Variants in MYRIP observed in about 807,000 individuals in gnomAD.
MYRIP encodes the protein rab effector MyRIP.
A neutral mutation model predicts 98.0 loss-of-function variants in MYRIP; 49 were observed. The observed-to-expected ratio is 0.50, with a 90% CI of 0.40 to 0.63. MYRIP has a LOEUF of 0.63. Among genes scored for constraint, MYRIP ranks in the 30% least tolerant of loss-of-function variants. The probability of loss-of-function intolerance (pLI) is 0.00; values close to 1 mark genes in which losing one functional copy is unlikely to be tolerated. For missense variants in MYRIP, 1,004 were observed against 1,058.2 expected (o/e 0.95, Z 0.71); for synonymous variants, 404 against 409.5 (o/e 0.99, Z 0.16).
chr3:39,817,454 T>C (rs541728501), intron 1 of MYRIP, among the ~76,000 whole-genome samples: 1 of 152,322 alleles, frequency 6.6e-6, no homozygotes, highest in East Asian at 1.9e-4. Context: ...TGATTTATTT[T>C]AAGGTAGCAT....
intron 1 of MYRIP, among the ~76,000 whole-genome samples, chr3:39,843,375 G>A (rs754166821): frequency 3.9e-5 from 6 of 151,914 alleles, no homozygotes; most frequent in Non-Finnish European, 5.9e-5. Flanking sequence ...TTCGAAAAAA[G>A]ACAAGAAAGA....
chr3:39,977,966 G>A (rs1945796571), intron 2 of MYRIP, among the ~76,000 whole-genome samples: 1 of 151,936 alleles, frequency 6.6e-6, no homozygotes, highest in Non-Finnish European at 1.5e-5. Context: ...TCCTGGTTAG[G>A]GTAAATGTCA....
chr3:39,979,901 G>C (rs750129358), intron 2 of MYRIP, among the ~76,000 whole-genome samples: 1 of 152,180 alleles, frequency 6.6e-6, no homozygotes, highest in Non-Finnish European at 1.5e-5. Flanking sequence ...GTAGGGAAAA[G>C]ACTTTTACAA....
At chr3:40,244,405 A>C in intron 12 of MYRIP, 41 bp from the exon 13 acceptor site, 1 of 1,563,270 alleles carries the variant, frequency 6.4e-7, no homozygotes, top group South Asian at 1.2e-5. Context: ...ACCAGTCCCA[A>C]GTCTGCAGAC....
intron 2 of MYRIP, among the ~76,000 whole-genome samples, chr3:39,902,960 C>T (rs1199890326): frequency 5.3e-5 from 8 of 152,160 alleles, no homozygotes. Flanking sequence ...TGGGAACCTG[C>T]TTATAATGGA....
intron 1 of MYRIP, among the ~76,000 whole-genome samples, chr3:39,826,480 TATTA>T (rs1380076192): frequency 1.3e-5 from 2 of 152,292 alleles, no homozygotes; most frequent in African/African-American, 4.8e-5. Context: ...ATATTCTTAT[TATTA>T]ATTTCCAGTT....
intron 2 of MYRIP, among the ~76,000 whole-genome samples, chr3:39,956,440 A>G (rs1334131056): frequency 1.3e-5 from 2 of 152,246 alleles, no homozygotes; most frequent in African/African-American, 4.8e-5. Flanking sequence ...TGGGTACATA[A>G]CAAAATGAAG....
intron 1 of MYRIP, among the ~76,000 whole-genome samples, chr3:39,879,520 C>A (rs1437218351): frequency 6.6e-6 from 1 of 152,098 alleles, no homozygotes; most frequent in East Asian, 1.9e-4. Flanking sequence ...GCAGTTAAAT[C>A]ATCTTCATTG....
intron 11 of MYRIP, among the ~76,000 whole-genome samples, chr3:40,218,617 TATATATATATATATATA>T (rs1559460406): frequency 0.033 from 360 of 10,946 alleles, 18 homozygotes; most frequent in East Asian, 0.31. Context: ...ATATTTTATA[TATATATATATATATATA>T]TATATATATA....
In MYRIP at chr3:40,258,675, G is replaced by A. The variant is rs899876754; in HGVS notation, c.*509G>A. The A allele has an allele frequency of 3.8e-5, 6 of 157,072 alleles. No homozygotes were observed. The highest frequency in any genetic ancestry group is 3.7e-4 in the Admixed American group (6 of 16,332). The allele number at this position is 157,072 out of a possible 1,614,324, so 9.7% of individuals were successfully genotyped here. On this transcript the variant is annotated 3_prime_UTR_variant, in exon 17 of 17. Transcript: ENST00000302541. ...TAAGGGAAAAGCAAGTCCCTGCAGT[G>A]AGCACTAGGGACAGTCTAATTTGGG...
chr3:39,818,933 A>G (rs964989218), intron 1 of MYRIP, among the ~76,000 whole-genome samples: 1 of 152,264 alleles, frequency 6.6e-6, no homozygotes, highest in South Asian at 2.1e-4. Context: ...ACATAGGTAT[A>G]TATTTTTGTG....
At chr3:39,998,840 A>G (rs1303948048) in intron 2 of MYRIP, among the ~76,000 whole-genome samples, 1 of 152,204 alleles carries the variant, frequency 6.6e-6, no homozygotes, top group Non-Finnish European at 1.5e-5. Flanking sequence ...ATATAGACCA[A>G]TGGAACACAA....
At chr3:40,255,012 C>T (rs1953528228) in intron 16 of MYRIP, among the ~76,000 whole-genome samples, 1 of 152,158 alleles carries the variant, frequency 6.6e-6, no homozygotes, top group African/African-American at 2.4e-5. Context: ...ATGGTGGATA[C>T]ATCCTTTTGA....
chr3:40,140,435 T>G (rs186700622), intron 3 of MYRIP, among the ~76,000 whole-genome samples: 1 of 152,330 alleles, frequency 6.6e-6, no homozygotes, highest in Admixed American at 6.5e-5. Flanking sequence ...GGGGTGCAGA[T>G]GTCTCTTCGG....
chr3:40,089,935 C>G (rs1260662329), intron 3 of MYRIP, among the ~76,000 whole-genome samples: 1 of 151,982 alleles, frequency 6.6e-6, no homozygotes, highest in Non-Finnish European at 1.5e-5. Flanking sequence ...CAAGCAAAGT[C>G]ACACCCTACA....
At chr3:40,008,660 T>C (rs911770278) in intron 2 of MYRIP, among the ~76,000 whole-genome samples, 5 of 152,152 alleles carry the variant, frequency 3.3e-5, no homozygotes, top group African/African-American at 9.7e-5. Flanking sequence ...TTGGTAATTA[T>C]AGCAAGACCC....
At chr3:40,055,519 C>T (rs189033692) in intron 3 of MYRIP, among the ~76,000 whole-genome samples, 11 of 152,046 alleles carry the variant, frequency 7.2e-5, no homozygotes, top group East Asian at 3.9e-4. Context: ...TGAGTTGAGG[C>T]GGGAGAAAAG....
At chr3:40,191,496 C>T (rs1056275209) in intron 10 of MYRIP, among the ~76,000 whole-genome samples, 3 of 152,112 alleles carry the variant, frequency 2.0e-5, no homozygotes, top group African/African-American at 7.2e-5. Context: ...AGACAACTCA[C>T]GTAGGTCCAA....
rs3063561 is a variant in MYRIP, at chr3:40,098,740, T to TTGTGTGTGTGTGTGTGTGTGTG, written c.333-52290_333-52269dup. On this transcript the variant is annotated intron_variant, in intron 3 of 16. Coordinates refer to ENST00000302541, the MANE Select transcript of MYRIP (RefSeq NM_015460.4). ...TGTGTATCTCTCTCTGTCTCTCTCA[T>TTGTGTGTGTGTGTGTGTGTGTG]TGTGTGTGTGTGTGTGTGTGTGTGT... is the stretch of plus-strand genomic sequence containing the variant. 6.7e-4 allele frequency among the ~76,000 whole-genome samples: 90 copies of TTGTGTGTGTGTGTGTGTGTGTG among 135,282 alleles called. 1 individual carries two copies. The highest frequency in any genetic ancestry group is 1.0e-3 in the Non-Finnish European group (66 of 64,230). 88.8% of individuals were successfully genotyped at this position (135,282 alleles called of 152,430 possible).
Sources: gnomAD v4.1 joint callset for allele counts (sites outside exome capture counted in the v4.1 genomes callset) on GRCh38, gnomAD v4.1.1 for gene constraint, MANE v1.5 for transcripts, NCBI Gene and HGNC (gene_info 2026-07-23, HGNC 2026-07-21) for gene names.